CSGALNACT1: variants seen among roughly 807,000 people sequenced by gnomAD.
The protein encoded by CSGALNACT1 is chondroitin sulfate N-acetylgalactosaminyltransferase 1, also known as beta4GalNAcT-1.
CSGALNACT1 carries 52 observed loss-of-function variants against 51.0 expected under a neutral mutation model. The observed-to-expected ratio is 1.02, with a 90% CI of 0.82 to 1.29. The LOEUF is 1.29. Among genes scored for constraint, CSGALNACT1 ranks in the 50% most tolerant of loss-of-function variants. The pLI is 0.00. For synonymous variants in CSGALNACT1, 341 were observed against 254.4 expected (o/e 1.34, Z -3.24); for missense variants, 935 against 679.2 (o/e 1.38, Z -4.19).
intron 1 of CSGALNACT1, among the ~76,000 whole-genome samples, chr8:19,620,944 G>T (rs1330691070): frequency 2.0e-5 from 3 of 152,094 alleles, no homozygotes; most frequent in Non-Finnish European, 4.4e-5. Context: ...TCTGCTAGAA[G>T]AACAGTGGGA....
intron 1 of CSGALNACT1, among the ~76,000 whole-genome samples, chr8:19,627,500 T>C (rs1045240178): frequency 1.3e-5 from 2 of 151,990 alleles, no homozygotes; most frequent in African/African-American, 2.4e-5. Flanking sequence ...TAACATTTCA[T>C]AAAACTATAC....
At chr8:19,411,762 G>A (rs895170724) in intron 8 of CSGALNACT1, among the ~76,000 whole-genome samples, 2 of 152,066 alleles carry the variant, frequency 1.3e-5, no homozygotes, top group African/African-American at 4.8e-5. Context: ...AGATAAAGAG[G>A]AGACTTTAAA....
At chr8:19,481,265 T>C (rs185207616) in intron 4 of CSGALNACT1, among the ~76,000 whole-genome samples, 5 of 152,282 alleles carry the variant, frequency 3.3e-5, no homozygotes, top group Non-Finnish European at 7.3e-5. Context: ...TGGGTGTCTG[T>C]CCTTATAGTC....
At chr8:19,681,705 C>T (rs1204154686) in intron 1 of CSGALNACT1, among the ~76,000 whole-genome samples, 1 of 152,204 alleles carries the variant, frequency 6.6e-6, no homozygotes, top group Admixed American at 6.5e-5. Flanking sequence ...TCCAAGTTCC[C>T]ACTTGCTCCC....
At chr8:19,579,618 C>T (rs566094996) in intron 3 of CSGALNACT1, among the ~76,000 whole-genome samples, 2 of 152,334 alleles carry the variant, frequency 1.3e-5, no homozygotes, top group Non-Finnish European at 1.5e-5. Context: ...CAGCCAAGGG[C>T]AGGGATTATG....
In CSGALNACT1 at chr8:19,716,477, A is replaced by T. The variant is rs552479257; in HGVS notation, c.-297+41373T>A. Among the ~76,000 whole-genome samples, 79 of 148,804 alleles carry T rather than the reference A, an allele frequency of 5.3e-4. No individual in the cohort carries two copies. The South Asian group carries it at 6.4e-3, about 12-fold the overall frequency. The stretch of plus-strand genomic sequence containing the variant: ...ATACAGTACAAACTTTTCCCTTTTT[A>T]AAAAAAAAATATATTTCCAGCTGGG... On this transcript the variant is annotated intron_variant, in intron 1 of 1. Coordinates refer to the CSGALNACT1 transcript ENST00000517494.
upstream of CSGALNACT1, among the ~76,000 whole-genome samples, chr8:19,605,578 G>A (rs886626032): frequency 6.6e-6 from 1 of 152,186 alleles, no homozygotes; most frequent in East Asian, 1.9e-4. Context: ...TTATGGAAGA[G>A]CTCATGTGTC....
intron 4 of CSGALNACT1, among the ~76,000 whole-genome samples, chr8:19,470,180 C>T (rs1406110042): frequency 6.6e-6 from 1 of 152,126 alleles, no homozygotes; most frequent in African/African-American, 2.4e-5. Context: ...AGAAGGGTTA[C>T]CTAGTTCCCA....
chr8:19,537,699 A>C (rs1279483249), intron 3 of CSGALNACT1, among the ~76,000 whole-genome samples: 2 of 152,212 alleles, frequency 1.3e-5, no homozygotes, highest in Non-Finnish European at 1.5e-5. Context: ...ATAAGCAAAC[A>C]AAAGAAAAAG....
At chr8:19,430,066 TTG>T (rs1385199863) in intron 6 of CSGALNACT1, among the ~76,000 whole-genome samples, 2 of 152,248 alleles carry the variant, frequency 1.3e-5, no homozygotes, top group Non-Finnish European at 2.9e-5. Context: ...TTAAATTGGG[TTG>T]TCTTTTTACT....
At chr8:19,752,187 TAA>T (rs1250769101) in intron 1 of CSGALNACT1, among the ~76,000 whole-genome samples, 8 of 148,374 alleles carry the variant, frequency 5.4e-5, no homozygotes, top group African/African-American at 2.0e-4. Flanking sequence ...ATATCTTATA[TAA>T]TATATACTAT....
intron 4 of CSGALNACT1, among the ~76,000 whole-genome samples, chr8:19,475,025 A>T (rs914923631): frequency 6.6e-6 from 1 of 152,146 alleles, no homozygotes; most frequent in African/African-American, 2.4e-5. Context: ...CACCGTGGTC[A>T]GGGCCAGGGG....
chr8:19,638,163 T>G (rs2056325979), intron 1 of CSGALNACT1, among the ~76,000 whole-genome samples: 1 of 80,136 alleles, frequency 1.2e-5, no homozygotes, highest in Admixed American at 1.0e-4. Context: ...TCCTTTGTAT[T>G]GAAACTCCCT....
intron 1 of CSGALNACT1, among the ~76,000 whole-genome samples, chr8:19,719,868 G>A (rs1200337444): frequency 3.3e-5 from 5 of 151,374 alleles, no homozygotes; most frequent in African/African-American, 1.2e-4. Flanking sequence ...TAGATCCCCT[G>A]CAGCTAAGTA....
upstream of CSGALNACT1, among the ~76,000 whole-genome samples, chr8:19,605,177 A>T (rs1233936623): frequency 6.6e-6 from 1 of 152,232 alleles, no homozygotes; most frequent in Non-Finnish European, 1.5e-5. Flanking sequence ...GAATAGTTAC[A>T]AAACCTTGCT....
At chr8:19,719,290 A>G (rs1196247001) in intron 1 of CSGALNACT1, among the ~76,000 whole-genome samples, 1 of 152,180 alleles carries the variant, frequency 6.6e-6, no homozygotes, top group Admixed American at 6.5e-5. Context: ...TGAGTGAGAA[A>G]AAGCTAGAAT....
At chr8:19,524,224 A>G (rs1056508721) in intron 3 of CSGALNACT1, among the ~76,000 whole-genome samples, 2 of 152,102 alleles carry the variant, frequency 1.3e-5, no homozygotes. Context: ...CAGGAGTTCA[A>G]TGCTACAGCA....
At chr8:19,414,095 T>C (rs1160149313) in intron 8 of CSGALNACT1, among the ~76,000 whole-genome samples, 1 of 152,136 alleles carries the variant, frequency 6.6e-6, no homozygotes, top group African/African-American at 2.4e-5. Context: ...TAGCCTGAAA[T>C]AGGCCACGGT....
At chr8:19,454,458 G>T (rs563887395) in intron 5 of CSGALNACT1, among the ~76,000 whole-genome samples, 2 of 152,178 alleles carry the variant, frequency 1.3e-5, no homozygotes, top group Non-Finnish European at 2.9e-5. Flanking sequence ...ATCACTTGAC[G>T]TCAGGAGTTT....
Sources: allele counts gnomAD v4.1 joint callset (sites outside exome capture counted in the v4.1 genomes callset), GRCh38; gene constraint gnomAD v4.1.1; transcripts MANE v1.5; gene names NCBI Gene and HGNC (gene_info 2026-07-23, HGNC 2026-07-21).